The following ITGA4 variants were observed in gnomAD, a reference collection of about 807,000 sequenced individuals.
The protein encoded by ITGA4 is integrin alpha-4.
Under a neutral mutation model 133.6 loss-of-function variants are expected in ITGA4, and 63 were observed. The observed-to-expected ratio is 0.47, with a 90% CI of 0.38 to 0.58. The LOEUF (loss-of-function observed/expected upper bound fraction) is 0.58, where lower values mean the gene tolerates loss of function less well. Among genes scored for constraint, ITGA4 ranks in the 20% least tolerant of loss-of-function variants. The pLI, the probability that ITGA4 is intolerant of heterozygous loss-of-function variation, is 0.00. For missense variants in ITGA4, 1,076 were observed against 1,252.7 expected, an observed-to-expected ratio of 0.86 and a Z score of 2.13; for synonymous variants, 483 against 438.0, an observed-to-expected ratio of 1.10 and a Z score of -1.28.
At chr2:181,459,915 G>A (rs2105708618) in intron 2 of ITGA4, among the ~76,000 whole-genome samples, 2 of 152,248 alleles carry the variant, frequency 1.3e-5, no homozygotes, top group Middle Eastern at 3.4e-3. Context: ...GTGTTTAACT[G>A]GATAAATCAT....
In ITGA4 at chr2:181,535,526, A is replaced by AAGGACTT; in HGVS notation, c.3099_*6dup. 2.5e-6 allele frequency: 4 copies of AAGGACTT among 1,602,338 alleles called. No homozygotes were observed. The highest frequency in any genetic ancestry group is 3.4e-6 in the Non-Finnish European group (4 of 1,175,200). Reference sequence around the variant, plus strand: ...ATCAACAGTAAAAGCAATGATGATTAAGGACTTCTTTCAAATTGAGAGAAT... The same window carrying AAGGACTT: ...ATCAACAGTAAAAGCAATGATGATTAAGGACTTAGGACTTCTTTCAAATTGAGAGAAT... On this transcript the variant is annotated frameshift_variant and stop_retained_variant, in exon 28 of 28. Transcript: ENST00000397033. LOFTEE classifies it high-confidence loss of function.
At chr2:181,482,465 G>A (rs562734796) in intron 8 of ITGA4, 43 bp downstream of exon 8, 81 of 1,613,422 alleles carry the variant, frequency 5.0e-5, no homozygotes, top group East Asian at 2.9e-4. Flanking sequence ...GCTTTTGCGA[G>A]TAACCCTGCT....
intron 14 of ITGA4, among the ~76,000 whole-genome samples, chr2:181,496,591 A>G (rs1054346139): frequency 7.2e-5 from 11 of 152,210 alleles, no homozygotes; most frequent in Non-Finnish European, 1.0e-4. Flanking sequence ...TCTGCTCTGG[A>G]GAAAGTATCA....
At chr2:181,490,497 G>A (rs1470515842) in intron 10 of ITGA4, among the ~76,000 whole-genome samples, 1 of 146,488 alleles carries the variant, frequency 6.8e-6, no homozygotes, top group Non-Finnish European at 1.5e-5. Context: ...GTGTGTGTGT[G>A]TGTGTGTGTG....
intron 14 of ITGA4, among the ~76,000 whole-genome samples, chr2:181,497,362 G>A (rs1216559562): frequency 2.0e-5 from 3 of 152,094 alleles, no homozygotes; most frequent in African/African-American, 4.8e-5. Context: ...AATTCACATG[G>A]CAAGCATGTT....
At chr2:181,520,162 G>C (rs921796892) in intron 17 of ITGA4, among the ~76,000 whole-genome samples, 2 of 152,126 alleles carry the variant, frequency 1.3e-5, no homozygotes, top group Admixed American at 1.3e-4. Flanking sequence ...GGAGAGCAAT[G>C]CAGGGTGAAG....
In ITGA4 at chr2:181,457,441, C is replaced by T. The variant is rs200714429; in HGVS notation, c.-214C>T. 2.5e-5 allele frequency: 13 copies of T among 525,656 alleles called. No individual in the cohort carries two copies. Among genetic ancestry groups the T allele is most frequent in the South Asian group, 9.0e-5 (4 of 44,372 alleles). 32.6% of individuals were successfully genotyped at this position (525,656 alleles called of 1,614,324 possible). Reference sequence around the variant, plus strand: ...TGGCGGCAGAAACCGGGAGTGGGGCCGGGCGAGTGCGCGGCATCCCAGGCC... The same window carrying T: ...TGGCGGCAGAAACCGGGAGTGGGGCTGGGCGAGTGCGCGGCATCCCAGGCC... On this transcript the variant is annotated 5_prime_UTR_variant, in exon 1 of 28. Transcript: ENST00000397033.
At position 181,522,268 on chromosome 2, in the gene ITGA4, G is replaced by A; in HGVS notation, c.2000G>A (p.Gly667Glu). 1 of 1,586,464 alleles carries A rather than the reference G, an allele frequency of 6.3e-7. No homozygotes were observed. Among genetic ancestry groups the A allele is most frequent in the Non-Finnish European group, 8.6e-7 (1 of 1,159,624 alleles). ...TTGAATGTGTCCTTGTTTAATGCTG[G>A]AGATGATGCATATGAAACGACTCTA... ...LMLNVSLFNA[G>E]DDAYETTLHV... The change falls in exon 18 of 28, where the codon GGA becomes GAA. Residue 667 changes from glycine to glutamate, a missense_variant. Around this residue, in one of 4 missense-constraint regions of ITGA4, gnomAD observed 365 missense variants for 421.4 expected, o/e 0.87. Transcript: ENST00000397033.
chr2:181,483,497 C>T (rs1289577056), intron 9 of ITGA4, among the ~76,000 whole-genome samples: 1 of 152,170 alleles, frequency 6.6e-6, no homozygotes, highest in Non-Finnish European at 1.5e-5. Flanking sequence ...GTATTTGTAA[C>T]TATGTTCAGT....
At chr2:181,466,492 CT>C (rs1685418573) in intron 2 of ITGA4, among the ~76,000 whole-genome samples, 1 of 152,042 alleles carries the variant, frequency 6.6e-6, no homozygotes, top group African/African-American at 2.4e-5. Flanking sequence ...TCTTTTGACT[CT>C]TATTCTCCAC....
In ITGA4 at chr2:181,498,683, A is replaced by C. The variant is rs751609596; in HGVS notation, c.1601A>C (p.Tyr534Ser). The C allele has an allele frequency of 1.9e-6, 3 of 1,612,500 alleles. No homozygotes were observed. The highest frequency in any genetic ancestry group is 2.5e-6 in the Non-Finnish European group (3 of 1,178,818). The change falls in exon 15 of 28, where the codon TAT becomes TCT. Residue 534 changes from tyrosine (Y) to serine (S), a missense_variant. Physicochemically the swap from Tyr to Ser is moderately radical, Grantham distance 144. Coordinates refer to ENST00000397033, the MANE Select transcript of ITGA4 (RefSeq NM_000885.6). ...AAGGCAGAGTCTCCACCAAGATTCT[A>C]TTTCTCTTCTAATGGAACTTCTGAC... The part of the protein sequence containing the change: ...NRKAESPPRF[Y>S]FSSNGTSDVI...
chr2:181,526,597 A>G (rs1385293200), intron 21 of ITGA4, among the ~76,000 whole-genome samples: 1 of 152,116 alleles, frequency 6.6e-6, no homozygotes, highest in Non-Finnish European at 1.5e-5. Flanking sequence ...GGATCATGAG[A>G]TGGGAAGAAA....
In ITGA4 at chr2:181,531,761, A is replaced by G. The variant is rs1371656845; in HGVS notation, c.2769A>G (p.Pro923=). Residue 923 remains proline (P), a synonymous_variant, in exon 25 of 28, where the codon CCA becomes CCG. Coordinates refer to ENST00000397033, the MANE Select transcript of ITGA4 (RefSeq NM_000885.6). ...ASVHIQLEGR[P]SILEMDETSA... ...TTCATATCCAACTGGAAGGCCGGCC[A>G]TCCATTTTAGAAATGGTAAGTAAGT... The G allele has an allele frequency of 2.5e-6, 4 of 1,597,282 alleles. No individual in the cohort carries two copies. The highest frequency in any genetic ancestry group is 3.4e-6 in the Non-Finnish European group (4 of 1,173,886).
chr2:181,465,294 C>T (rs62191402), intron 2 of ITGA4, among the ~76,000 whole-genome samples: 2,515 of 152,238 alleles, frequency 0.017, 36 homozygotes, highest in Middle Eastern at 0.037. Context: ...ATCTGTAACT[C>T]CTCATCTCAT....
Position 181,524,959 on chromosome 2 carries a change from T to TA in ITGA4, c.2250-230dup, listed in dbSNP as rs34230117. Among the ~76,000 whole-genome samples, 992 of 146,372 alleles carry TA rather than the reference T, an allele frequency of 6.8e-3. 5 individuals carry two copies. Among genetic ancestry groups the TA allele is most frequent in the Middle Eastern group, 0.018 (5 of 284 alleles). On this transcript the variant is annotated intron_variant, in intron 20 of 27. Coordinates refer to ENST00000397033, the MANE Select transcript of ITGA4 (RefSeq NM_000885.6). Reference sequence around the variant, plus strand: ...TAATCTAATAAATGTAACTATTTGTTAAAAAAAAAAAAATTCCTCTATCTA... The same window carrying TA: ...TAATCTAATAAATGTAACTATTTGTTAAAAAAAAAAAAAATTCCTCTATCTA...
intron 10 of ITGA4, among the ~76,000 whole-genome samples, chr2:181,492,138 G>C (rs1230221922): frequency 1.3e-5 from 2 of 152,198 alleles, no homozygotes; most frequent in African/African-American, 4.8e-5. Context: ...CAATTGCCTG[G>C]AATATAGTAG....
At chr2:181,507,692 A>G (rs2105754359) in intron 15 of ITGA4, among the ~76,000 whole-genome samples, 1 of 152,274 alleles carries the variant, frequency 6.6e-6, no homozygotes, top group South Asian at 2.1e-4. Context: ...TAAATTACTT[A>G]TAACATGTAA....
intron 17 of ITGA4, 44 bp downstream of exon 17, chr2:181,511,819 T>A (rs1466109): frequency 2.3e-6 from 2 of 874,208 alleles, no homozygotes; most frequent in Admixed American, 1.9e-5. Context: ...ATCGAGAGGG[T>A]GTAATGAGTG....
intron 2 of ITGA4, among the ~76,000 whole-genome samples, chr2:181,460,739 T>G (rs1685256449): frequency 2.0e-5 from 3 of 152,154 alleles, no homozygotes; most frequent in African/African-American, 7.2e-5. Flanking sequence ...TACTTAAATC[T>G]ATTATCTGTA....
Sources: allele counts gnomAD v4.1 joint callset (sites outside exome capture counted in the v4.1 genomes callset), GRCh38; gene constraint gnomAD v4.1.1; regional missense constraint gnomAD v4.1.1; transcripts MANE v1.5; gene names NCBI Gene and HGNC (gene_info 2026-07-23, HGNC 2026-07-21).